Variants in ASAP1 observed in about 807,000 individuals in gnomAD.
ASAP1 encodes arf-GAP with SH3 domain, ANK repeat and PH domain-containing protein 1.
ASAP1 carries 43 observed loss-of-function variants against 145.2 expected under a neutral mutation model. The observed-to-expected ratio is 0.30, with a 90% CI of 0.23 to 0.38. The LOEUF (loss-of-function observed/expected upper bound fraction) is 0.38. Among genes scored for constraint, ASAP1 ranks in the 10% least tolerant of loss-of-function variants. The pLI is 1.00. For missense variants in ASAP1, 1,018 were observed against 1,355.3 expected (o/e 0.75, Z 3.91); for synonymous variants, 546 against 515.5 (o/e 1.06, Z -0.80).
intron 6 of ASAP1, among the ~76,000 whole-genome samples, chr8:130,187,881 C>T (rs1311595695): frequency 1.3e-5 from 2 of 152,172 alleles, no homozygotes; most frequent in Non-Finnish European, 2.9e-5. Flanking sequence ...CTCTCTCCCA[C>T]CCATGGAGGA....
intron 5 of ASAP1, 105 bp from the exon 6 acceptor site, chr8:130,188,288 T>C (rs1455682018): frequency 8.3e-6 from 7 of 847,520 alleles, no homozygotes; most frequent in Non-Finnish European, 9.9e-6. Context: ...CAGGCTCTGT[T>C]GAAGGGCTTT....
At position 130,442,755 on chromosome 8, in the gene ASAP1, C is replaced by G. The variant is rs561308017; in HGVS notation, c.-28+705G>C. On this transcript the variant is annotated intron_variant, in intron 1 of 29. Transcript: ENST00000518721. ...TAAAGGAAACTGCTTTAGAAGTGCC[C>G]AAGATGAACCTCTTGGGATGTATCA... is the stretch of plus-strand genomic sequence containing the variant. 3.3e-5 allele frequency among the ~76,000 whole-genome samples: 5 copies of G among 152,216 alleles called. No individual in the cohort carries two copies. The East Asian group carries it at 7.7e-4, about 24-fold the overall frequency.
rs1814795784 is a variant in ASAP1, at chr8:130,187,232, T to G, written c.530+4A>C. On this transcript the variant is annotated splice_donor_region_variant and intron_variant, in intron 7 of 29. Coordinates refer to ENST00000518721, the MANE Select transcript of ASAP1 (RefSeq NM_018482.4). ...ACAAAAACTCTAAACAAAAAACCAC[T>G]TACAACTTTGTCTCATAATCTTTCC... 1 of 1,605,818 alleles carries G rather than the reference T, an allele frequency of 6.2e-7. No homozygotes were observed.
At chr8:130,220,942 A>G (rs2136494676) in intron 4 of ASAP1, among the ~76,000 whole-genome samples, 1 of 152,256 alleles carries the variant, frequency 6.6e-6, no homozygotes, top group South Asian at 2.1e-4. Context: ...AGCATGGGGG[A>G]ACCACCCCCA....
At chr8:130,077,609 G>A (rs970911036) in intron 26 of ASAP1, among the ~76,000 whole-genome samples, 22 of 128,306 alleles carry the variant, frequency 1.7e-4, no homozygotes, top group Non-Finnish European at 1.1e-4. Flanking sequence ...GCAGTGGCAC[G>A]ATCTCAGCTC....
intron 13 of ASAP1, among the ~76,000 whole-genome samples, chr8:130,138,348 G>C (rs557800740): frequency 6.6e-6 from 1 of 152,304 alleles, no homozygotes; most frequent in South Asian, 2.1e-4. Context: ...ACTGCTTTAG[G>C]GGAGGAAGTG....
chr8:130,250,373 T>TCG (rs1819117073), intron 3 of ASAP1, among the ~76,000 whole-genome samples: 1 of 152,204 alleles, frequency 6.6e-6, no homozygotes, highest in Non-Finnish European at 1.5e-5. Context: ...GTCTGTGCTT[T>TCG]CTGCCATGTC....
chr8:130,300,151 CACAGAG>C (rs1456347634), intron 3 of ASAP1, among the ~76,000 whole-genome samples: 17 of 84,734 alleles, frequency 2.0e-4, no homozygotes, highest in Non-Finnish European at 3.4e-4. Flanking sequence ...CACACACACA[CACAGAG>C]AGAGAGAGAG....
intron 3 of ASAP1, among the ~76,000 whole-genome samples, chr8:130,341,751 A>G (rs137988487): frequency 1.3e-3 from 202 of 152,344 alleles, no homozygotes; most frequent in African/African-American, 4.5e-3. Flanking sequence ...TTCAGTCACC[A>G]ATGGTTCACG....
At chr8:130,273,973 G>A (rs185870077) in intron 3 of ASAP1, among the ~76,000 whole-genome samples, 81 of 152,252 alleles carry the variant, frequency 5.3e-4, no homozygotes, top group Admixed American at 4.0e-3. Context: ...TGGGGTCCAC[G>A]AGAAAAGTAA....
chr8:130,058,415 C>A (rs1161212000), intron 28 of ASAP1, among the ~76,000 whole-genome samples: 1 of 152,228 alleles, frequency 6.6e-6, no homozygotes, highest in Non-Finnish European at 1.5e-5. Context: ...CCCCAACCCA[C>A]ATCAGCTTGC....
intron 2 of ASAP1, chr8:130,361,680 C>CCATA (rs1308293503): frequency 6.5e-7 from 1 of 1,532,234 alleles, no homozygotes; most frequent in Admixed American, 2.0e-5. Context: ...CATTTCTGGG[C>CCATA]CATAATCCTC....
At chr8:130,339,350 C>T (rs1825232926) in intron 3 of ASAP1, among the ~76,000 whole-genome samples, 1 of 152,134 alleles carries the variant, frequency 6.6e-6, no homozygotes, top group Non-Finnish European at 1.5e-5. Context: ...AAAGACCATG[C>T]TGTGGAAGAG....
At chr8:130,332,311 T>C (rs1824744017) in intron 3 of ASAP1, among the ~76,000 whole-genome samples, 1 of 152,214 alleles carries the variant, frequency 6.6e-6, no homozygotes, top group South Asian at 2.1e-4. Context: ...CTCTGTCTTT[T>C]TTCCTGCTGA....
At chr8:130,147,698 C>T (rs2097635530) in intron 13 of ASAP1, among the ~76,000 whole-genome samples, 1 of 152,182 alleles carries the variant, frequency 6.6e-6, no homozygotes, top group African/African-American at 2.4e-5. Context: ...CCTGAATGGG[C>T]ATTTACTGCA....
At chr8:130,163,366 TA>T (rs2097673628) in intron 11 of ASAP1, among the ~76,000 whole-genome samples, 2 of 152,240 alleles carry the variant, frequency 1.3e-5, no homozygotes, top group Non-Finnish European at 2.9e-5. Flanking sequence ...CTAGCTTAAG[TA>T]AACCTTAAAT....
intron 1 of ASAP1, among the ~76,000 whole-genome samples, chr8:130,405,588 G>T (rs1828991473): frequency 6.6e-6 from 1 of 152,190 alleles, no homozygotes; most frequent in South Asian, 2.1e-4. Context: ...AGCCTCTTTA[G>T]CCCTCAGGTT....
At chr8:130,120,537 C>A (rs760267766) in intron 18 of ASAP1, among the ~76,000 whole-genome samples, 2 of 152,176 alleles carry the variant, frequency 1.3e-5, no homozygotes, top group Non-Finnish European at 2.9e-5. Context: ...CATTATTATC[C>A]GGGAGGCCAG....
chr8:130,306,809 T>G (rs1227274753), intron 3 of ASAP1, among the ~76,000 whole-genome samples: 1 of 152,206 alleles, frequency 6.6e-6, no homozygotes, highest in Non-Finnish European at 1.5e-5. Flanking sequence ...ATTCCCCATC[T>G]CTCTGTCTTA....
Sources: gnomAD v4.1 joint callset for allele counts (sites outside exome capture counted in the v4.1 genomes callset) on GRCh38, gnomAD v4.1.1 for gene constraint, MANE v1.5 for transcripts, NCBI Gene and HGNC (gene_info 2026-07-23, HGNC 2026-07-21) for gene names.